PTPRT: variants seen among roughly 807,000 people sequenced by gnomAD.
The protein encoded by PTPRT is receptor-type tyrosine-protein phosphatase T.
PTPRT carries 56 observed loss-of-function variants against 176.8 expected under a neutral mutation model. That is an observed-to-expected ratio of 0.32 (90% confidence interval 0.26 to 0.40). The LOEUF (loss-of-function observed/expected upper bound fraction) is 0.40. PTPRT is among the 10% of genes least tolerant of loss of function. The pLI is 1.00. For missense variants in PTPRT, 1,540 were observed against 1,908.2 expected, an observed-to-expected ratio of 0.81 and a Z score of 3.60; for synonymous variants, 783 against 739.0, an observed-to-expected ratio of 1.06 and a Z score of -0.96.
chr20:42,775,649 T>C (rs561743582), intron 4 of PTPRT, among the ~76,000 whole-genome samples: 1 of 152,332 alleles, frequency 6.6e-6, no homozygotes, highest in African/African-American at 2.4e-5. Flanking sequence ...GCCTGTCTTT[T>C]GGTTACTGTT....
intron 5 of PTPRT, among the ~76,000 whole-genome samples, chr20:42,767,708 T>C (rs1462695473): frequency 2.0e-5 from 3 of 146,564 alleles, no homozygotes; most frequent in South Asian, 4.2e-4. Context: ...ATTTTTATAA[T>C]ATATATTTTA....
intron 9 of PTPRT, among the ~76,000 whole-genome samples, chr20:42,417,369 T>C (rs1232433622): frequency 6.6e-6 from 1 of 152,050 alleles, no homozygotes; most frequent in Non-Finnish European, 1.5e-5. Flanking sequence ...CCCAACCCTA[T>C]ATATATGTTG....
At chr20:42,632,073 G>A (rs1193933094) in intron 7 of PTPRT, among the ~76,000 whole-genome samples, 1 of 152,084 alleles carries the variant, frequency 6.6e-6, no homozygotes, top group African/African-American at 2.4e-5. Flanking sequence ...AGGCCTATGT[G>A]ACTAGCCCCC....
intron 2 of PTPRT, among the ~76,000 whole-genome samples, chr20:42,855,318 T>A (rs971949177): frequency 1.3e-5 from 2 of 151,760 alleles, no homozygotes; most frequent in African/African-American, 4.8e-5. Context: ...TGAATTAAAA[T>A]GAACAACAAA....
intron 7 of PTPRT, among the ~76,000 whole-genome samples, chr20:42,539,523 T>C (rs2072539982): frequency 6.6e-6 from 1 of 151,866 alleles, no homozygotes; most frequent in South Asian, 2.1e-4. Context: ...CTTGTCTTAG[T>C]CTAGGTTTCA....
chr20:42,102,355 A>G (rs1986024877), intron 25 of PTPRT, 58 bp from the exon 26 acceptor site: 10 of 1,551,334 alleles, frequency 6.4e-6, no homozygotes, highest in Non-Finnish European at 8.8e-6. Flanking sequence ...CCTGAGCAAA[A>G]GAGACAGTAA....
intron 12 of PTPRT, among the ~76,000 whole-genome samples, chr20:42,289,273 T>C (rs2057281322): frequency 6.6e-6 from 1 of 151,892 alleles, no homozygotes; most frequent in Admixed American, 6.6e-5. Flanking sequence ...AAATTGACTA[T>C]TGGAACCTAA....
chr20:42,537,616 C>T (rs1042662779), intron 7 of PTPRT, among the ~76,000 whole-genome samples: 1 of 152,160 alleles, frequency 6.6e-6, no homozygotes, highest in Non-Finnish European at 1.5e-5. Context: ...CTGTTTGCCT[C>T]CAAGTTCAGT....
intron 1 of PTPRT, among the ~76,000 whole-genome samples, chr20:43,069,150 G>A (rs907371094): frequency 2.0e-5 from 3 of 152,144 alleles, no homozygotes; most frequent in African/African-American, 7.2e-5. Context: ...ATACATGTTT[G>A]ATCCCAGCCA....
intron 2 of PTPRT, among the ~76,000 whole-genome samples, chr20:42,805,665 C>A (rs138277240): frequency 7.4e-4 from 112 of 152,266 alleles, no homozygotes; most frequent in East Asian, 2.9e-3. Flanking sequence ...GCCATGATTA[C>A]CCCTTTTAAA....
At chr20:42,391,828 C>T (rs7267982) in intron 9 of PTPRT, among the ~76,000 whole-genome samples, 3 of 152,146 alleles carry the variant, frequency 2.0e-5, no homozygotes, top group Non-Finnish European at 4.4e-5. Flanking sequence ...TAACTAAATG[C>T]TATTGGATTT....
chr20:42,233,470 C>T (rs574863198), intron 15 of PTPRT, among the ~76,000 whole-genome samples: 88 of 73,950 alleles, frequency 1.2e-3, no homozygotes, highest in African/African-American at 2.6e-3. Flanking sequence ...TGGTACCTAC[C>T]AGACTAGGCT....
rs779116823 is a variant in PTPRT at position 42,201,069 on chromosome 20, C to T, written c.2343-1681G>A. On this transcript the variant is annotated intron_variant, in intron 15 of 30. Transcript: ENST00000373187. ...GTGGCTCATGCCTGTAATCCCAGCA[C>T]GCTGGGAGGCTGAGCTGGGCAGATC... Among the ~76,000 whole-genome samples, 17 of 152,282 alleles carry T rather than the reference C, an allele frequency of 1.1e-4. No homozygotes were observed. The East Asian group carries it at 1.7e-3, about 16-fold the overall frequency.
chr20:42,094,972 C>CT (rs1985047033), intron 27 of PTPRT, among the ~76,000 whole-genome samples: 4 of 152,284 alleles, frequency 2.6e-5, no homozygotes, highest in Admixed American at 2.0e-4. Context: ...CTCAAGTGAT[C>CT]CTGCTTCCTT....
chr20:42,851,158 T>C (rs2078462886), intron 2 of PTPRT, among the ~76,000 whole-genome samples: 1 of 152,212 alleles, frequency 6.6e-6, no homozygotes. Flanking sequence ...TTTGTTCTTG[T>C]CTTACATCTA....
intron 1 of PTPRT, among the ~76,000 whole-genome samples, chr20:43,009,393 T>C (rs1365459705): frequency 6.6e-6 from 1 of 152,112 alleles, no homozygotes; most frequent in East Asian, 1.9e-4. Flanking sequence ...GGTAAAGGCC[T>C]ATCAATAAAC....
At chr20:42,280,938 G>A (rs2057128728) in intron 13 of PTPRT, among the ~76,000 whole-genome samples, 2 of 152,052 alleles carry the variant, frequency 1.3e-5, no homozygotes, top group South Asian at 4.2e-4. Flanking sequence ...GGTGTCCTTA[G>A]AATCCCACCT....
At chr20:42,743,985 G>A (rs1308401602) in intron 6 of PTPRT, among the ~76,000 whole-genome samples, 1 of 152,204 alleles carries the variant, frequency 6.6e-6, no homozygotes, top group Non-Finnish European at 1.5e-5. Context: ...CCCACCTGCG[G>A]TTGGAGTCAC....
At position 42,184,503 on chromosome 20, in the gene PTPRT, C is replaced by T. The variant is rs1990647382; in HGVS notation, c.2491+14737G>A. On this transcript the variant is annotated intron_variant, in intron 16 of 30. Coordinates refer to ENST00000373187, the MANE Select transcript of PTPRT (RefSeq NM_007050.6). ...TTTCTTCCCTCCTTCCTCCCCCCTTCCTCCTCCTCCTCCTCCTTCTTCTTC... is the reference window on the plus strand; with the variant it reads ...TTTCTTCCCTCCTTCCTCCCCCCTTTCTCCTCCTCCTCCTCCTTCTTCTTC... Among the ~76,000 whole-genome samples the T allele has an allele frequency of 2.9e-5, 3 of 105,192 alleles. No individual in the cohort carries two copies. In the South Asian group the frequency reaches 1.2e-3, roughly 41 times the overall value. The allele number at this position is 105,192 out of a possible 152,430, so 69.0% of individuals were successfully genotyped here.
Sources: allele counts gnomAD v4.1 joint callset (sites outside exome capture counted in the v4.1 genomes callset), GRCh38; gene constraint gnomAD v4.1.1; transcripts MANE v1.5; gene names NCBI Gene and HGNC (gene_info 2026-07-23, HGNC 2026-07-21).